CEP85L: variants seen among roughly 807,000 people sequenced by gnomAD.
CEP85L encodes centrosomal protein 85L.
In CEP85L, 60 loss-of-function variants were observed where a neutral mutation model predicts 100.3. That is an observed-to-expected ratio of 0.60 (90% CI 0.49 to 0.74). The LOEUF is 0.74. Ranked by LOEUF, CEP85L falls within the 30% of genes least tolerant of loss-of-function variation. CEP85L has a pLI of 0.00. For missense variants in CEP85L, 973 were observed against 936.2 expected (o/e 1.04, Z -0.51); for synonymous variants, 319 against 322.7 (o/e 0.99, Z 0.12).
Position 118,465,239 on chromosome 6 carries a change from A to G in CEP85L, c.*166T>C, listed in dbSNP as rs1772429504. ...TTTTTTTCTTTTTGCCTGATTAGATAAGCCCCTTCAAAATCTCTTCACTTC... is the reference window on the plus strand; with the variant it reads ...TTTTTTTCTTTTTGCCTGATTAGATGAGCCCCTTCAAAATCTCTTCACTTC... On this transcript the variant is annotated 3_prime_UTR_variant, in exon 13 of 13. Coordinates refer to ENST00000368491, the MANE Select transcript of CEP85L (RefSeq NM_001042475.3). 1.8e-6 allele frequency: 1 copy of G among 541,424 alleles called. No individual in the cohort carries two copies. Among genetic ancestry groups the G allele is most frequent in the Non-Finnish European group, 3.2e-6 (1 of 314,094 alleles). 33.5% of individuals were successfully genotyped at this position (541,424 alleles called of 1,614,324 possible). A position where few individuals can be genotyped will look rare whatever the true frequency, so the allele number is the denominator to read the frequency against.
chr6:118,523,727 G>T, intron 4 of CEP85L, 75 bp downstream of exon 4: 1 of 672,648 alleles, frequency 1.5e-6, no homozygotes. Context: ...TCTATGTAGT[G>T]GACATAAAGT....
In CEP85L at chr6:118,549,087, A is replaced by T. The variant is rs3798600; in HGVS notation, c.1020+16442T>A. The stretch of plus-strand genomic sequence containing the variant: ...TCATAAAGAAGTTTAGAAATTTTAA[A>T]ACAATGTTCACAAACACAAAAAATC... On this transcript the variant is annotated intron_variant, in intron 3 of 12. Transcript: ENST00000368491. 2.0e-5 allele frequency among the ~76,000 whole-genome samples: 3 copies of T among 152,150 alleles called. No individual in the cohort carries two copies. In the East Asian group the frequency reaches 5.8e-4, roughly 29 times the overall value.
At chr6:118,525,245 T>A (rs1582977157) in intron 3 of CEP85L, among the ~76,000 whole-genome samples, 1 of 152,304 alleles carries the variant, frequency 6.6e-6, no homozygotes, top group Non-Finnish European at 1.5e-5. Context: ...GTTTCAGATA[T>A]TTAAATAAAC....
intron 2 of CEP85L, among the ~76,000 whole-genome samples, chr6:118,588,593 G>A (rs988600604): frequency 6.6e-6 from 1 of 152,150 alleles, no homozygotes; most frequent in Non-Finnish European, 1.5e-5. Flanking sequence ...TCAGCCCCAG[G>A]TGACTACAAT....
At chr6:118,658,814 C>G in intron 1 of CEP85L, among the ~76,000 whole-genome samples, 1 of 152,028 alleles carries the variant, frequency 6.6e-6, no homozygotes, top group East Asian at 1.9e-4. Flanking sequence ...ATCAGGTTGT[C>G]CCAAACACAC....
At chr6:118,709,435 C>T (rs1032669333) in intron 1 of CEP85L, among the ~76,000 whole-genome samples, 3 of 152,068 alleles carry the variant, frequency 2.0e-5, no homozygotes, top group Admixed American at 6.5e-5. Context: ...GCTCCCCACT[C>T]GGCTTTCTGG....
At chr6:118,613,139 G>A (rs370283359) in intron 2 of CEP85L, among the ~76,000 whole-genome samples, 11 of 151,872 alleles carry the variant, frequency 7.2e-5, no homozygotes, top group South Asian at 6.2e-4. Flanking sequence ...TTAACCCGGC[G>A]GGCAGAGGTT....
chr6:118,617,832 G>A (rs1773167631), intron 2 of CEP85L, among the ~76,000 whole-genome samples: 1 of 152,180 alleles, frequency 6.6e-6, no homozygotes, highest in African/African-American at 2.4e-5. Context: ...TCCAGGAAGA[G>A]CATCCCAACT....
chr6:118,558,209 C>T (rs527417516), intron 3 of CEP85L, among the ~76,000 whole-genome samples: 2 of 152,274 alleles, frequency 1.3e-5, no homozygotes, highest in African/African-American at 4.8e-5. Context: ...CCTTGGCCTC[C>T]CAAAGTGCTG....
At chr6:118,594,331 G>C (rs1781351190) in intron 2 of CEP85L, among the ~76,000 whole-genome samples, 1 of 152,076 alleles carries the variant, frequency 6.6e-6, no homozygotes, top group Non-Finnish European at 1.5e-5. Context: ...AAAATTTATA[G>C]TATTCAAGAG....
At chr6:118,578,417 A>C (rs1780368177) in intron 2 of CEP85L, among the ~76,000 whole-genome samples, 1 of 152,232 alleles carries the variant, frequency 6.6e-6, no homozygotes, top group Admixed American at 6.5e-5. Flanking sequence ...AAGGACACAG[A>C]AACAGGAACT....
At chr6:118,534,895 C>T (rs1445591481) in intron 3 of CEP85L, among the ~76,000 whole-genome samples, 1 of 151,946 alleles carries the variant, frequency 6.6e-6, no homozygotes, top group Non-Finnish European at 1.5e-5. Flanking sequence ...TGGTGCACAC[C>T]TGTAATCCCA....
chr6:118,568,261 A>G (rs1779667641), intron 2 of CEP85L, among the ~76,000 whole-genome samples: 1 of 152,170 alleles, frequency 6.6e-6, no homozygotes, highest in Non-Finnish European at 1.5e-5. Flanking sequence ...CAGTTCTCAT[A>G]TATGATTTGA....
intron 1 of CEP85L, among the ~76,000 whole-genome samples, chr6:118,700,747 G>C (rs552162531): frequency 3.9e-4 from 60 of 152,198 alleles, no homozygotes; most frequent in Non-Finnish European, 7.2e-4. Context: ...TTTCTCAAGT[G>C]AGAGTACTGA....
chr6:118,651,738 C>G (rs565600381), upstream of CEP85L: 741 of 986,834 alleles, frequency 7.5e-4, 20 homozygotes, highest in South Asian at 0.031. Flanking sequence ...CTACCCCGAC[C>G]CCGCTTCGCC....
At chr6:118,468,998 C>T (rs1772736680) in intron 12 of CEP85L, 74 bp downstream of exon 12, 2 of 949,998 alleles carry the variant, frequency 2.1e-6, no homozygotes, top group African/African-American at 3.3e-5. Context: ...AGAGAAAAGG[C>T]AGTCGGAAGT....
chr6:118,581,392 C>T (rs575170707), intron 2 of CEP85L, among the ~76,000 whole-genome samples: 2 of 152,178 alleles, frequency 1.3e-5, no homozygotes, highest in South Asian at 4.1e-4. Context: ...ATTAAAGGGG[C>T]CTTCCCCAAT....
intron 2 of CEP85L, among the ~76,000 whole-genome samples, chr6:118,630,723 C>T (rs1409612075): frequency 6.6e-6 from 1 of 152,184 alleles, no homozygotes; most frequent in Non-Finnish European, 1.5e-5. Flanking sequence ...ATGCAGGGGT[C>T]CCCAAACCCC....
chr6:118,630,209 T>C (rs561397572), intron 2 of CEP85L, among the ~76,000 whole-genome samples: 2 of 152,200 alleles, frequency 1.3e-5, no homozygotes, highest in Non-Finnish European at 2.9e-5. Flanking sequence ...CCTTCATGAA[T>C]ATTCATGGTT....
Sources: allele counts gnomAD v4.1 joint callset (sites outside exome capture counted in the v4.1 genomes callset), GRCh38; gene constraint gnomAD v4.1.1; transcripts MANE v1.5; gene names NCBI Gene and HGNC (gene_info 2026-07-23, HGNC 2026-07-21).